Variants in ASIC2 observed in about 807,000 individuals in gnomAD.
ASIC2 encodes the protein acid-sensing ion channel 2.
A neutral mutation model predicts 57.3 loss-of-function variants in ASIC2; 25 were observed. The ratio of observed to expected loss-of-function variants is 0.44; its 90% CI spans 0.32 to 0.61. ASIC2 has a LOEUF of 0.61. ASIC2 is among the 20% of genes least tolerant of loss of function. The pLI, the probability that ASIC2 is intolerant of heterozygous loss-of-function variation, is 0.06. For synonymous variants in ASIC2, 319 were observed against 307.5 expected (o/e 1.04, Z -0.39); for missense variants, 641 against 738.1 (o/e 0.87, Z 1.52).
intron 1 of ASIC2, among the ~76,000 whole-genome samples, chr17:33,367,984 A>G (rs1210667828): frequency 2.0e-5 from 3 of 152,260 alleles, no homozygotes; most frequent in African/African-American, 4.8e-5. Flanking sequence ...ATGAGACAGT[A>G]CCACAGAGAG....
intron 1 of ASIC2, among the ~76,000 whole-genome samples, chr17:33,116,794 A>T (rs1443472540): frequency 2.0e-5 from 3 of 152,150 alleles, no homozygotes; most frequent in Admixed American, 6.5e-5. Flanking sequence ...AAGGAAACTA[A>T]CAATTCCTTA....
chr17:33,676,735 T>C (rs7222462), intron 1 of ASIC2, among the ~76,000 whole-genome samples: 6,856 of 152,338 alleles, frequency 0.045, 396 homozygotes, highest in African/African-American at 0.13. Flanking sequence ...ATGTAGAAGC[T>C]GCAGCAAGTT....
intron 1 of ASIC2, among the ~76,000 whole-genome samples, chr17:33,611,718 A>G (rs771956616): frequency 1.3e-5 from 2 of 152,236 alleles, no homozygotes; most frequent in Non-Finnish European, 2.9e-5. Flanking sequence ...GTGCAAGCAC[A>G]TGCAAAACCT....
intron 1 of ASIC2, among the ~76,000 whole-genome samples, chr17:33,468,931 T>C (rs977637066): frequency 9.2e-5 from 14 of 152,092 alleles, no homozygotes; most frequent in Middle Eastern, 6.8e-3. Context: ...GACTGGACAA[T>C]GGGGAATGCT....
chr17:33,535,013 G>T (rs1271938439), intron 1 of ASIC2, among the ~76,000 whole-genome samples: 1 of 152,184 alleles, frequency 6.6e-6, no homozygotes, highest in Non-Finnish European at 1.5e-5. Flanking sequence ...TGTGGGGTAA[G>T]TATTAGGATT....
intron 1 of ASIC2, among the ~76,000 whole-genome samples, chr17:33,426,132 G>A (rs757376203): frequency 8.5e-5 from 13 of 152,120 alleles, no homozygotes; most frequent in Non-Finnish European, 4.4e-5. Flanking sequence ...ATTTGTTTTT[G>A]TTGTTGTTGT....
intron 1 of ASIC2, among the ~76,000 whole-genome samples, chr17:34,131,566 C>T (rs1351286571): frequency 2.0e-5 from 3 of 152,216 alleles, no homozygotes; most frequent in Non-Finnish European, 4.4e-5. Flanking sequence ...CTGACTTACC[C>T]CTGCCTGGGC....
At chr17:33,930,420 T>C (rs1187831539) in intron 1 of ASIC2, among the ~76,000 whole-genome samples, 2 of 152,178 alleles carry the variant, frequency 1.3e-5, no homozygotes, top group Non-Finnish European at 1.5e-5. Flanking sequence ...CAACCCTGGT[T>C]CAGTTTGTTT....
intron 1 of ASIC2, among the ~76,000 whole-genome samples, chr17:33,411,604 G>A (rs912061492): frequency 6.6e-6 from 1 of 152,178 alleles, no homozygotes; most frequent in African/African-American, 2.4e-5. Flanking sequence ...CTGCTCCAGT[G>A]GGGGTACAGA....
chr17:33,140,374 A>G (rs1407731701), intron 1 of ASIC2, among the ~76,000 whole-genome samples: 1 of 152,224 alleles, frequency 6.6e-6, no homozygotes, highest in Non-Finnish European at 1.5e-5. Context: ...TGGAAAAAGC[A>G]GGAGCTTTGG....
At chr17:33,698,983 T>TC (rs1908614220) in intron 1 of ASIC2, among the ~76,000 whole-genome samples, 1 of 152,152 alleles carries the variant, frequency 6.6e-6, no homozygotes, top group African/African-American at 2.4e-5. Context: ...TGCTGTCTCC[T>TC]CATTGGGAGA....
At chr17:33,789,782 G>A (rs936501621) in intron 1 of ASIC2, among the ~76,000 whole-genome samples, 6 of 152,116 alleles carry the variant, frequency 3.9e-5, no homozygotes, top group African/African-American at 1.4e-4. Context: ...ATGGATTTTG[G>A]TCACTTCTGT....
At chr17:33,701,929 T>A (rs1908713711) in intron 1 of ASIC2, among the ~76,000 whole-genome samples, 1 of 152,222 alleles carries the variant, frequency 6.6e-6, no homozygotes, top group African/African-American at 2.4e-5. Context: ...GATGGACAAT[T>A]TGTCTAAGTG....
intron 1 of ASIC2, among the ~76,000 whole-genome samples, chr17:34,133,722 C>T (rs2142130937): frequency 6.6e-6 from 1 of 152,350 alleles, no homozygotes; most frequent in East Asian, 1.9e-4. Context: ...AGTGATTTCT[C>T]CTGCAAATCA....
intron 1 of ASIC2, among the ~76,000 whole-genome samples, chr17:33,268,334 CTTT>C (rs1332344780): frequency 2.0e-5 from 3 of 147,150 alleles, no homozygotes; most frequent in African/African-American, 7.6e-5. Flanking sequence ...ATCCATCCAT[CTTT>C]CCATCATCCA....
intron 1 of ASIC2, among the ~76,000 whole-genome samples, chr17:33,379,694 C>G (rs1909409236): frequency 6.6e-6 from 1 of 152,162 alleles, no homozygotes; most frequent in Non-Finnish European, 1.5e-5. Flanking sequence ...TCTGCATCAC[C>G]TTTAGATGAT....
chr17:33,887,540 G>A (rs772346212), intron 1 of ASIC2, among the ~76,000 whole-genome samples: 3 of 152,194 alleles, frequency 2.0e-5, no homozygotes, highest in Admixed American at 6.5e-5. Flanking sequence ...GCAGGTCAGA[G>A]GCCACTGAGG....
chr17:33,407,074 T>A (rs908356320), intron 1 of ASIC2, among the ~76,000 whole-genome samples: 2 of 152,148 alleles, frequency 1.3e-5, no homozygotes, highest in Non-Finnish European at 2.9e-5. Flanking sequence ...TTTCTCTGAG[T>A]CTTAATTTTT....
At chr17:33,427,108 A>G (rs1309101999) in intron 1 of ASIC2, among the ~76,000 whole-genome samples, 1 of 152,180 alleles carries the variant, frequency 6.6e-6, no homozygotes, top group Admixed American at 6.5e-5. Flanking sequence ...GGACAAGAGA[A>G]GGGCCAGTGA....
Sources: allele counts gnomAD v4.1 joint callset (sites outside exome capture counted in the v4.1 genomes callset), GRCh38; gene constraint gnomAD v4.1.1; transcripts MANE v1.5; gene names NCBI Gene and HGNC (gene_info 2026-07-23, HGNC 2026-07-21).